UAP1: variants seen among roughly 807,000 people sequenced by gnomAD.
The protein encoded by UAP1 is UDP-N-acetylglucosamine pyrophosphorylase 1, also known as UDP-N-acetylhexosamine pyrophosphorylase.
UAP1 carries 25 observed loss-of-function variants against 58.5 expected under a neutral mutation model. That is an observed-to-expected ratio of 0.43 (90% CI 0.31 to 0.60). UAP1 has a LOEUF of 0.60. UAP1 is among the 20% of genes least tolerant of loss of function. UAP1 has a pLI of 0.11. For synonymous variants in UAP1, 208 were observed against 213.0 expected (o/e 0.98, Z 0.21); for missense variants, 575 against 630.0 (o/e 0.91, Z 0.93).
intron 5 of UAP1, among the ~76,000 whole-genome samples, chr1:162,582,364 C>T (rs908135763): frequency 6.6e-6 from 1 of 152,012 alleles, no homozygotes; most frequent in Admixed American, 6.6e-5. Flanking sequence ...ATCTATCAAG[C>T]ATTAAAAGGA....
At chr1:162,587,452 T>A (rs762327318) in intron 5 of UAP1, 23 bp from the exon 6 acceptor site, 160 of 1,576,376 alleles carry the variant, frequency 1.0e-4, no homozygotes, top group Non-Finnish European at 1.3e-4. Context: ...TTTCCTCCTC[T>A]ACTGTTTTTC....
intron 8 of UAP1, 40 bp downstream of exon 8, chr1:162,590,551 T>TG: frequency 6.6e-7 from 1 of 1,523,454 alleles, no homozygotes; most frequent in South Asian, 1.3e-5. Flanking sequence ...AATCCTTTCT[T>TG]GGACTTTTCC....
At chr1:162,594,443 A>G (rs1200970517) in intron 9 of UAP1, among the ~76,000 whole-genome samples, 1 of 152,166 alleles carries the variant, frequency 6.6e-6, no homozygotes, top group African/African-American at 2.4e-5. Context: ...CCCACTGCTC[A>G]TCTCCTGGTG....
chr1:162,572,961 A>G (rs115512766), intron 2 of UAP1, among the ~76,000 whole-genome samples: 3,317 of 152,268 alleles, frequency 0.022, 128 homozygotes, highest in African/African-American at 0.075. Context: ...GAGATTGTGG[A>G]CTCATATTTT....
chr1:162,575,136 T>G (rs1654094212), intron 2 of UAP1, among the ~76,000 whole-genome samples: 1 of 152,158 alleles, frequency 6.6e-6, no homozygotes, highest in Non-Finnish European at 1.5e-5. Context: ...TGGCACGATC[T>G]CAGCTCACTG....
At chr1:162,567,538 C>A (rs764027339) in intron 2 of UAP1, among the ~76,000 whole-genome samples, 1 of 152,134 alleles carries the variant, frequency 6.6e-6, no homozygotes, top group African/African-American at 2.4e-5. Context: ...TTTTTATAAT[C>A]TATTACTCCT....
At chr1:162,589,269 T>A (rs1237102662) in intron 7 of UAP1, among the ~76,000 whole-genome samples, 3 of 130,088 alleles carry the variant, frequency 2.3e-5, no homozygotes, top group African/African-American at 8.7e-5. Context: ...ATATATTTAT[T>A]TATAATATAT....
At chr1:162,562,700 T>C (rs753968638) in intron 1 of UAP1, among the ~76,000 whole-genome samples, 1 of 152,198 alleles carries the variant, frequency 6.6e-6, no homozygotes, top group African/African-American at 2.4e-5. Context: ...AAGGCAGTTG[T>C]CTATTCCTTC....
At chr1:162,573,203 G>T (rs1323666640) in intron 2 of UAP1, among the ~76,000 whole-genome samples, 1 of 152,108 alleles carries the variant, frequency 6.6e-6, no homozygotes, top group African/African-American at 2.4e-5. Context: ...TGTTTGGGAA[G>T]TTTTGGAGAA....
chr1:162,589,213 A>AT (rs1169758600), intron 7 of UAP1, among the ~76,000 whole-genome samples: 4 of 119,122 alleles, frequency 3.4e-5, no homozygotes, highest in East Asian at 4.3e-4. Flanking sequence ...ATTTAAATAT[A>AT]TATAATATTT....
intron 9 of UAP1, among the ~76,000 whole-genome samples, chr1:162,595,473 G>A (rs1655567845): frequency 6.6e-6 from 1 of 152,074 alleles, no homozygotes; most frequent in Non-Finnish European, 1.5e-5. Context: ...AGTTGCCCCA[G>A]AAGGTCTGGA....
chr1:162,589,213 A>ATATAT (rs1553232338), intron 7 of UAP1, among the ~76,000 whole-genome samples: 13 of 119,122 alleles, frequency 1.1e-4, no homozygotes, highest in African/African-American at 3.2e-4. Flanking sequence ...ATTTAAATAT[A>ATATAT]TATAATATTT....
intron 3 of UAP1, among the ~76,000 whole-genome samples, chr1:162,578,582 TTC>T (rs1042540872): frequency 1.3e-5 from 2 of 152,190 alleles, no homozygotes; most frequent in Non-Finnish European, 2.9e-5. Context: ...TTGAATTTTC[TTC>T]TCTCTCTTTC....
exon 1 of UAP1, chr1:162,561,752 T>C (rs898644628): frequency 6.6e-6 from 1 of 152,166 alleles, no homozygotes; most frequent in African/African-American, 2.4e-5. Context: ...CTGGAGACGG[T>C]CGTAGCTGCG....
At chr1:162,593,886 C>G (rs1655473507) in intron 9 of UAP1, 1 of 152,210 alleles carries the variant, frequency 6.6e-6, no homozygotes, top group Admixed American at 6.5e-5. Flanking sequence ...TTTTTCCTGT[C>G]TGTGCCATTC....
Position 162,588,681 on chromosome 1 carries a change from C to T in UAP1, c.1029-12C>T. 6.3e-7 allele frequency: 1 copy of T among 1,592,236 alleles called. No individual in the cohort carries two copies. The highest frequency in any genetic ancestry group is 1.2e-5 in the South Asian group (1 of 86,754). ...GGAACGTGATTATATCTTTTCTCCT[C>T]CTGCTTCTTAGTGTTTATGAACCTC... On this transcript the variant is annotated splice_polypyrimidine_tract_variant and intron_variant, in intron 6 of 10. Transcript: ENST00000271469.
chr1:162,571,014 A>G (rs1484492409), intron 2 of UAP1, among the ~76,000 whole-genome samples: 1 of 151,476 alleles, frequency 6.6e-6, no homozygotes. Flanking sequence ...AAAAGTGCTT[A>G]GATTCTCTTG....
intron 3 of UAP1, 140 bp downstream of exon 3, chr1:162,577,121 T>G (rs1468468032): frequency 1.2e-6 from 1 of 834,592 alleles, no homozygotes; most frequent in African/African-American, 1.7e-5. Flanking sequence ...ACTATATATG[T>G]TAAAAGTGCT....
intron 3 of UAP1, 87 bp from the exon 4 acceptor site, chr1:162,579,341 A>G: frequency 1.0e-6 from 1 of 998,800 alleles, no homozygotes; most frequent in Non-Finnish European, 1.4e-6. Context: ...TTTCAAAGAT[A>G]TCTTTAGCTT....
Sources: allele counts gnomAD v4.1 joint callset (sites outside exome capture counted in the v4.1 genomes callset), GRCh38; gene constraint gnomAD v4.1.1; transcripts MANE v1.5; gene names NCBI Gene and HGNC (gene_info 2026-07-23, HGNC 2026-07-21).